Variants in RALGPS2 observed in about 807,000 individuals in gnomAD.
RALGPS2 encodes ras-specific guanine nucleotide-releasing factor RalGPS2.
A neutral mutation model predicts 86.8 loss-of-function variants in RALGPS2; 43 were observed. The observed-to-expected ratio is 0.50, with a 90% CI of 0.39 to 0.64. RALGPS2 has a LOEUF of 0.64. RALGPS2 is among the 30% of genes least tolerant of loss of function. The pLI, the probability that RALGPS2 is intolerant of heterozygous loss-of-function variation, is 0.00. For synonymous variants in RALGPS2, 243 were observed against 231.3 expected (o/e 1.05, Z -0.46); for missense variants, 536 against 694.6 (o/e 0.77, Z 2.57).
intron 1 of RALGPS2, among the ~76,000 whole-genome samples, chr1:178,728,502 A>G (rs746451631): frequency 2.0e-5 from 3 of 150,400 alleles, no homozygotes; most frequent in Non-Finnish European, 2.9e-5. Context: ...AAGTGTATCC[A>G]TTTTTTGAAT....
At chr1:178,886,494 A>G (rs1219633198) in intron 13 of RALGPS2, among the ~76,000 whole-genome samples, 1 of 152,214 alleles carries the variant, frequency 6.6e-6, no homozygotes, top group African/African-American at 2.4e-5. Flanking sequence ...CAGAGTAATA[A>G]TCTGTGGGCA....
At chr1:178,829,941 T>G (rs1655937367) in intron 7 of RALGPS2, among the ~76,000 whole-genome samples, 1 of 151,998 alleles carries the variant, frequency 6.6e-6, no homozygotes, top group Admixed American at 6.6e-5. Context: ...GATGGCGTTT[T>G]GCCTTGTTGG....
chr1:178,751,310 C>G (rs1173868193), intron 1 of RALGPS2, among the ~76,000 whole-genome samples: 1 of 152,136 alleles, frequency 6.6e-6, no homozygotes, highest in African/African-American at 2.4e-5. Context: ...TAAGACTCAT[C>G]TCAGATACCA....
intron 8 of RALGPS2, among the ~76,000 whole-genome samples, chr1:178,870,405 G>A (rs913362056): frequency 3.3e-5 from 5 of 152,242 alleles, no homozygotes; most frequent in Admixed American, 1.3e-4. Flanking sequence ...TCATTGTGCT[G>A]TAAGCCTTAT....
intron 15 of RALGPS2, among the ~76,000 whole-genome samples, chr1:178,893,398 A>G (rs1465728113): frequency 1.3e-5 from 2 of 151,208 alleles, no homozygotes; most frequent in Non-Finnish European, 3.0e-5. Context: ...AAAATATATT[A>G]TTATTGACTT....
chr1:178,788,346 G>T (rs145303123), intron 4 of RALGPS2, among the ~76,000 whole-genome samples: 121 of 152,290 alleles, frequency 7.9e-4, no homozygotes, highest in African/African-American at 2.7e-3. Context: ...GTTGCTGAAG[G>T]TATAGCAGTA....
At chr1:178,835,748 A>G (rs1163772947) in intron 8 of RALGPS2, among the ~76,000 whole-genome samples, 1 of 152,138 alleles carries the variant, frequency 6.6e-6, no homozygotes, top group Non-Finnish European at 1.5e-5. Flanking sequence ...AGATCCAGAA[A>G]GGTAGAAGAC....
intron 8 of RALGPS2, among the ~76,000 whole-genome samples, chr1:178,863,957 G>A (rs1658211575): frequency 1.3e-5 from 2 of 152,120 alleles, no homozygotes; most frequent in South Asian, 4.2e-4. Context: ...TTTATGTCCT[G>A]CCTTTTCAAT....
At chr1:178,766,497 G>A (rs1188931874) in intron 1 of RALGPS2, among the ~76,000 whole-genome samples, 1 of 151,944 alleles carries the variant, frequency 6.6e-6, no homozygotes, top group African/African-American at 2.4e-5. Context: ...TCAAAGTGCT[G>A]GGATTACAGG....
Position 178,878,138 on chromosome 1 carries a change from G to A in RALGPS2, c.745+503G>A, listed in dbSNP as rs1019772809. ...CAACTTTCTTGAGTCAGACTATCGA[G>A]TAAATAGCCAGTTTTTGTCCAACAT... is the stretch of plus-strand genomic sequence containing the variant. On this transcript the variant is annotated intron_variant, in intron 9 of 19. Coordinates refer to ENST00000367635, the MANE Select transcript of RALGPS2 (RefSeq NM_152663.5). Among the ~76,000 whole-genome samples, 126 of 152,154 alleles carry A rather than the reference G, an allele frequency of 8.3e-4. 1 individual carries two copies. Among genetic ancestry groups the A allele is most frequent in the African/African-American group, 3.0e-3 (125 of 41,532 alleles).
At chr1:178,863,194 A>C (rs899893535) in intron 8 of RALGPS2, among the ~76,000 whole-genome samples, 5 of 152,160 alleles carry the variant, frequency 3.3e-5, no homozygotes, top group Non-Finnish European at 7.4e-5. Flanking sequence ...AGGGACATGC[A>C]CACAAGAGAC....
At chr1:178,785,871 A>G (rs1172189532) in intron 4 of RALGPS2, among the ~76,000 whole-genome samples, 1 of 152,038 alleles carries the variant, frequency 6.6e-6, no homozygotes, top group African/African-American at 2.4e-5. Context: ...AACTCTTTCT[A>G]TAACTTTTGA....
At chr1:178,881,431 T>C (rs1017578016) in intron 10 of RALGPS2, among the ~76,000 whole-genome samples, 1 of 152,096 alleles carries the variant, frequency 6.6e-6, no homozygotes, top group Non-Finnish European at 1.5e-5. Flanking sequence ...TGGGACATCA[T>C]ACGGCACTAG....
intron 1 of RALGPS2, among the ~76,000 whole-genome samples, chr1:178,771,120 T>C (rs1652792820): frequency 6.6e-6 from 1 of 152,230 alleles, no homozygotes; most frequent in Admixed American, 6.5e-5. Context: ...ATTACAGGCG[T>C]GAGCCACCGC....
intron 6 of RALGPS2, among the ~76,000 whole-genome samples, chr1:178,815,377 G>A (rs1237708815): frequency 2.0e-5 from 3 of 151,986 alleles, no homozygotes; most frequent in African/African-American, 7.2e-5. Context: ...GAGCCACCGC[G>A]CCTGGCAGTC....
chr1:178,889,949 TAAA>T (rs141895262), intron 14 of RALGPS2, among the ~76,000 whole-genome samples: 1 of 151,984 alleles, frequency 6.6e-6, no homozygotes, highest in African/African-American at 2.4e-5. Flanking sequence ...ATTTATAACT[TAAA>T]AATAATAACC....
chr1:178,839,725 A>G (rs1558143558), intron 8 of RALGPS2, among the ~76,000 whole-genome samples: 1 of 152,214 alleles, frequency 6.6e-6, no homozygotes, highest in Non-Finnish European at 1.5e-5. Flanking sequence ...CAAATTGGAT[A>G]AAGAGTGAAG....
At chr1:178,841,063 C>T (rs954655086) in intron 8 of RALGPS2, among the ~76,000 whole-genome samples, 13 of 152,300 alleles carry the variant, frequency 8.5e-5, no homozygotes, top group African/African-American at 3.1e-4. Flanking sequence ...CCAAATTCTA[C>T]CAGAGGTACA....
chr1:178,852,923 A>G (rs368824919), intron 8 of RALGPS2: 1 of 1,612,448 alleles, frequency 6.2e-7, no homozygotes, highest in African/African-American at 1.3e-5. Context: ...AGTCCAAGCC[A>G]GTATTCTCCG....
Sources: gnomAD v4.1 joint callset for allele counts (sites outside exome capture counted in the v4.1 genomes callset) on GRCh38, gnomAD v4.1.1 for gene constraint, MANE v1.5 for transcripts, NCBI Gene and HGNC (gene_info 2026-07-23, HGNC 2026-07-21) for gene names.